The following SYNDIG1L variants were observed in gnomAD, a reference collection of about 807,000 sequenced individuals.
The protein encoded by SYNDIG1L is synapse differentiation-inducing gene protein 1-like.
A neutral mutation model predicts 20.1 loss-of-function variants in SYNDIG1L; 13 were observed. The ratio of observed to expected loss-of-function variants is 0.65; its 90% CI spans 0.42 to 1.03. SYNDIG1L has a LOEUF of 1.03. Among genes scored for constraint, SYNDIG1L ranks in the 50% least tolerant of loss-of-function variants. SYNDIG1L has a pLI of 0.00. For missense variants in SYNDIG1L, 294 were observed against 305.1 expected (o/e 0.96, Z 0.27); for synonymous variants, 128 against 129.3 (o/e 0.99, Z 0.07).
At chr14:74,468,112 A>G in the SYNDIG1L span, among the ~76,000 whole-genome samples, 213 of 152,124 alleles carry the variant, frequency 1.4e-3, 1 homozygote, top group Admixed American at 4.0e-3. Context: ...GGCCTGACCT[A>G]TGAAAGGAAT....
chr14:74,462,029 T>C, the SYNDIG1L span, among the ~76,000 whole-genome samples: 1 of 142,444 alleles, frequency 7.0e-6, no homozygotes, highest in African/African-American at 2.7e-5. Context: ...GAGGTTGCAG[T>C]GAGCCGAGTT....
At chr14:74,440,028 C>T in the SYNDIG1L span, among the ~76,000 whole-genome samples, 654 of 152,202 alleles carry the variant, frequency 4.3e-3, 2 homozygotes, top group Middle Eastern at 0.014. Context: ...TTCATGTGTA[C>T]TTTTCAGTAC....
the SYNDIG1L span, among the ~76,000 whole-genome samples, chr14:74,469,375 C>T: frequency 1.9e-4 from 12 of 62,438 alleles, no homozygotes; most frequent in East Asian, 1.7e-3. Flanking sequence ...TGTCGTGGGG[C>T]GGGGGGAGGG....
the SYNDIG1L span, among the ~76,000 whole-genome samples, chr14:74,436,873 A>G: frequency 7.2e-6 from 1 of 138,602 alleles, no homozygotes; most frequent in African/African-American, 2.7e-5. Context: ...AAAAAAGCTC[A>G]GCTCAGGGGT....
chr14:74,434,208 A>G, the SYNDIG1L span, among the ~76,000 whole-genome samples: 86 of 152,362 alleles, frequency 5.6e-4, no homozygotes, highest in African/African-American at 9.6e-4. Flanking sequence ...ACTCTCTGCA[A>G]TATGCATGCA....
intron 1 of SYNDIG1L, among the ~76,000 whole-genome samples, chr14:74,420,643 G>T (rs772400024): frequency 2.6e-5 from 4 of 152,074 alleles, no homozygotes; most frequent in Middle Eastern, 3.4e-3. Flanking sequence ...GGCTGCTGCC[G>T]GTTCAAGAGG....
chr14:74,468,598 C>CCA, the SYNDIG1L span, among the ~76,000 whole-genome samples: 1 of 152,116 alleles, frequency 6.6e-6, no homozygotes, highest in Non-Finnish European at 1.5e-5. Context: ...AGCTCTTCCC[C>CCA]CACACACACT....
chr14:74,438,376 G>A, the SYNDIG1L span, among the ~76,000 whole-genome samples: 1 of 152,204 alleles, frequency 6.6e-6, no homozygotes, highest in African/African-American at 2.4e-5. Flanking sequence ...AAACTCACCT[G>A]TAAAAATTCC....
the SYNDIG1L span, among the ~76,000 whole-genome samples, chr14:74,444,820 C>G: frequency 1.3e-5 from 2 of 152,050 alleles, no homozygotes; most frequent in African/African-American, 4.8e-5. Context: ...CCTCAGAAAC[C>G]AACTTCTTTA....
chr14:74,408,113 G>A, intron 2 of SYNDIG1L, 124 bp from the exon 3 acceptor site: 2 of 1,204,980 alleles, frequency 1.7e-6, no homozygotes, highest in South Asian at 1.7e-5. Flanking sequence ...AGTCTCTTCT[G>A]CCGCAGGTGG....
At chr14:74,445,208 C>G in the SYNDIG1L span, among the ~76,000 whole-genome samples, 1 of 152,138 alleles carries the variant, frequency 6.6e-6, no homozygotes, top group East Asian at 1.9e-4. Context: ...TTCTCTTCAC[C>G]TTCTGCCATG....
the SYNDIG1L span, among the ~76,000 whole-genome samples, chr14:74,444,020 T>C: frequency 6.6e-6 from 1 of 152,244 alleles, no homozygotes; most frequent in Non-Finnish European, 1.5e-5. Context: ...TTTGAGACTC[T>C]AACTAATAAA....
the SYNDIG1L span, among the ~76,000 whole-genome samples, chr14:74,455,932 C>T: frequency 6.6e-6 from 1 of 152,204 alleles, no homozygotes; most frequent in Admixed American, 6.5e-5. Context: ...TTCAGTGGAC[C>T]CCCTGGCTGC....
At chr14:74,465,213 C>T in the SYNDIG1L span, among the ~76,000 whole-genome samples, 7 of 152,188 alleles carry the variant, frequency 4.6e-5, no homozygotes, top group African/African-American at 1.7e-4. Flanking sequence ...TAAAAGTGGT[C>T]AGGACAAGTC....
At chr14:74,458,948 C>G in the SYNDIG1L span, among the ~76,000 whole-genome samples, 6 of 152,040 alleles carry the variant, frequency 3.9e-5, no homozygotes, top group Non-Finnish European at 8.8e-5. Flanking sequence ...GTGCCTGTTT[C>G]GTGTGATGGT....
chr14:74,440,524 A>AC, the SYNDIG1L span, among the ~76,000 whole-genome samples: 16 of 150,792 alleles, frequency 1.1e-4, no homozygotes, highest in Non-Finnish European at 1.8e-4. Flanking sequence ...CATAAAAAAA[A>AC]AAAAAAAAAA....
At chr14:74,409,275 G>A (rs2086110790) in intron 2 of SYNDIG1L, 53 bp downstream of exon 2, 2 of 1,292,242 alleles carry the variant, frequency 1.5e-6, no homozygotes, top group South Asian at 1.8e-5. Context: ...GTAGAGTCGG[G>A]GTCTCCTTGT....
At chr14:74,442,333 C>T in the SYNDIG1L span, among the ~76,000 whole-genome samples, 1 of 152,236 alleles carries the variant, frequency 6.6e-6, no homozygotes, top group East Asian at 1.9e-4. Context: ...TTATAAGAAA[C>T]TATTTCCGAG....
the SYNDIG1L span, among the ~76,000 whole-genome samples, chr14:74,433,831 A>G: frequency 6.6e-6 from 1 of 152,248 alleles, no homozygotes; most frequent in African/African-American, 2.4e-5. Flanking sequence ...CCTGGCTTCA[A>G]GGCCTCACTC....
Sources: gnomAD v4.1 joint callset for allele counts (sites outside exome capture counted in the v4.1 genomes callset) on GRCh38, gnomAD v4.1.1 for gene constraint, MANE v1.5 for transcripts, NCBI Gene and HGNC (gene_info 2026-07-23, HGNC 2026-07-21) for gene names.